IQCM: variants seen among roughly 807,000 people sequenced by gnomAD.
IQCM encodes IQ motif containing M, also known as IQ domain-containing protein M.
A neutral mutation model predicts 57.6 loss-of-function variants in IQCM; 45 were observed. The observed-to-expected ratio is 0.78, with a 90% CI of 0.62 to 1.00. The LOEUF (loss-of-function observed/expected upper bound fraction) is 1.00, where lower values mean the gene tolerates loss of function less well. Among genes scored for constraint, IQCM ranks in the 50% least tolerant of loss-of-function variants. The pLI, the probability that IQCM is intolerant of heterozygous loss-of-function variation, is 0.00. For synonymous variants in IQCM, 148 were observed against 158.9 expected (o/e 0.93, Z 0.51); for missense variants, 468 against 511.6 (o/e 0.91, Z 0.82).
chr4:149,429,519 T>C (rs1734678011), intron 13 of IQCM, among the ~76,000 whole-genome samples: 1 of 151,870 alleles, frequency 6.6e-6, no homozygotes, highest in Non-Finnish European at 1.5e-5. Flanking sequence ...TTTTAGAGAA[T>C]GTATGGTCCT....
chr4:149,602,296 A>G (rs773189462), intron 8 of IQCM, among the ~76,000 whole-genome samples: 1 of 152,162 alleles, frequency 6.6e-6, no homozygotes, highest in Non-Finnish European at 1.5e-5. Flanking sequence ...CTGAATATCA[A>G]TTCAGAACCT....
chr4:149,604,497 T>G (rs58453743), intron 8 of IQCM, among the ~76,000 whole-genome samples: 1 of 151,956 alleles, frequency 6.6e-6, no homozygotes, highest in Non-Finnish European at 1.5e-5. Context: ...CCTGATCATT[T>G]AAAAAAAATA....
rs28658220 is a variant in IQCM, at chr4:149,646,757, G to A, written c.566-25513C>T. On this transcript the variant is annotated intron_variant, in intron 7 of 13. Coordinates refer to ENST00000636793, the MANE Select transcript of IQCM (RefSeq NM_001363507.2). ...CCAGCGCTTTGGGAGGCTGAGGCAGGCAGATCACCTGAGGTCAGCAGTTCA... is the reference window on the plus strand; with the variant it reads ...CCAGCGCTTTGGGAGGCTGAGGCAGACAGATCACCTGAGGTCAGCAGTTCA... Among the ~76,000 whole-genome samples, 207 of 152,330 alleles carry A rather than the reference G, an allele frequency of 1.4e-3. 2 individuals are homozygous for A. The highest frequency in any genetic ancestry group is 6.8e-3 in the Middle Eastern group (2 of 294).
chr4:149,477,882 A>C (rs1740369142), intron 12 of IQCM, among the ~76,000 whole-genome samples: 1 of 152,078 alleles, frequency 6.6e-6, no homozygotes, highest in African/African-American at 2.4e-5. Flanking sequence ...GCTCTCAAAG[A>C]AAGGTCTTGT....
intron 7 of IQCM, among the ~76,000 whole-genome samples, chr4:149,661,542 A>G (rs191511174): frequency 3.9e-5 from 6 of 152,166 alleles, no homozygotes; most frequent in Admixed American, 3.9e-4. Context: ...GTTCTTTTTT[A>G]AATATTTTGC....
intron 3 of IQCM, among the ~76,000 whole-genome samples, chr4:149,741,500 C>T (rs1767451892): frequency 6.6e-6 from 1 of 152,098 alleles, no homozygotes. Context: ...CTGGATCTTC[C>T]ACCCTTTCTG....
intron 8 of IQCM, 142 bp from the exon 9 acceptor site, chr4:149,588,139 T>C: frequency 2.5e-6 from 1 of 396,334 alleles, no homozygotes; most frequent in Non-Finnish European, 4.3e-6. Flanking sequence ...TTTATATACA[T>C]TTTTTAGTAT....
intron 5 of IQCM, among the ~76,000 whole-genome samples, chr4:149,727,437 G>A (rs1190527740): frequency 6.6e-6 from 1 of 152,084 alleles, no homozygotes; most frequent in Non-Finnish European, 1.5e-5. Context: ...AGCAAGTACT[G>A]ACAATTCTGC....
intron 5 of IQCM, among the ~76,000 whole-genome samples, chr4:149,731,795 C>T (rs1026800821): frequency 1.3e-5 from 2 of 152,180 alleles, no homozygotes; most frequent in African/African-American, 4.8e-5. Context: ...TTCTTTTCTG[C>T]AGTATTTCCT....
chr4:149,684,087 G>A lies in IQCM; in HGVS notation c.477-1881C>T, dbSNP rs10034788. ...TAAAAATTAGCACTAGTAAATAAGT[G>A]ATTAATAAATGCATTTTGTTGATGG... On this transcript the variant is annotated intron_variant, in intron 6 of 13. Coordinates refer to ENST00000636793, the MANE Select transcript of IQCM (RefSeq NM_001363507.2). 3.8e-3 allele frequency among the ~76,000 whole-genome samples: 579 copies of A among 151,362 alleles called. 10 individuals are homozygous for A. The highest frequency in any genetic ancestry group is 0.03 in the Admixed American group (457 of 15,144).
At chr4:149,767,365 T>A (rs1770158515) in intron 2 of IQCM, among the ~76,000 whole-genome samples, 1 of 152,096 alleles carries the variant, frequency 6.6e-6, no homozygotes, top group Admixed American at 6.6e-5. Context: ...TCAAAGAGAA[T>A]GCTTACTCTA....
At chr4:149,746,591 T>G (rs1767957722) in intron 2 of IQCM, among the ~76,000 whole-genome samples, 1 of 152,174 alleles carries the variant, frequency 6.6e-6, no homozygotes, top group Non-Finnish European at 1.5e-5. Flanking sequence ...CTTATGCAAC[T>G]GAGTATATAT....
chr4:149,469,677 T>A (rs555821788), intron 12 of IQCM, among the ~76,000 whole-genome samples: 2 of 152,238 alleles, frequency 1.3e-5, no homozygotes, highest in South Asian at 4.1e-4. Flanking sequence ...ATTGTCAGAT[T>A]CACCAAAGTT....
chr4:149,549,681 G>C (rs952226505), intron 11 of IQCM, among the ~76,000 whole-genome samples: 1 of 152,102 alleles, frequency 6.6e-6, no homozygotes, highest in Non-Finnish European at 1.5e-5. Flanking sequence ...GATTGTGTAA[G>C]TCAACATTTA....
At position 149,381,707 on chromosome 4, in the gene IQCM, C is replaced by A. The variant is rs1304985936; in HGVS notation, c.1391-29641G>T. Among the ~76,000 whole-genome samples, 4 of 151,406 alleles carry A rather than the reference C, an allele frequency of 2.6e-5. No homozygotes were observed. The Admixed American group carries it at 2.6e-4, about 10-fold the overall frequency. On this transcript the variant is annotated intron_variant, in intron 13 of 13. Transcript: ENST00000636793. ...CTAGGATGCCCTATCCCTCTTCTAGCTCTTTCCCCCATAGTATGTATGTAT... is the reference window on the plus strand; with the variant it reads ...CTAGGATGCCCTATCCCTCTTCTAGATCTTTCCCCCATAGTATGTATGTAT...
At chr4:149,776,141 T>C (rs896240144) in intron 2 of IQCM, among the ~76,000 whole-genome samples, 1 of 150,144 alleles carries the variant, frequency 6.7e-6, no homozygotes, top group African/African-American at 2.4e-5. Flanking sequence ...CTAAAAAATT[T>C]AATTTAATTT....
intron 13 of IQCM, among the ~76,000 whole-genome samples, chr4:149,426,200 C>T (rs887204163): frequency 2.0e-5 from 3 of 151,972 alleles, no homozygotes; most frequent in South Asian, 4.1e-4. Flanking sequence ...AAATATCAAC[C>T]AGTGACAGCT....
intron 2 of IQCM, among the ~76,000 whole-genome samples, chr4:149,773,207 C>T (rs530658041): frequency 1.3e-5 from 2 of 151,914 alleles, no homozygotes; most frequent in Non-Finnish European, 2.9e-5. Flanking sequence ...AAAACATTAG[C>T]GGGGCATGGT....
chr4:149,584,068 T>C (rs1449645903), intron 9 of IQCM, among the ~76,000 whole-genome samples: 1 of 151,600 alleles, frequency 6.6e-6, no homozygotes, highest in African/African-American at 2.4e-5. Flanking sequence ...CAACATTTAT[T>C]TGAATCAATT....
Sources: gnomAD v4.1 joint callset for allele counts (sites outside exome capture counted in the v4.1 genomes callset) on GRCh38, gnomAD v4.1.1 for gene constraint, MANE v1.5 for transcripts, NCBI Gene and HGNC (gene_info 2026-07-23, HGNC 2026-07-21) for gene names.